The following RCAN2 variants were observed in gnomAD, a reference collection of about 807,000 sequenced individuals.
The protein encoded by RCAN2 is calcipressin-2.
A neutral mutation model predicts 23.6 loss-of-function variants in RCAN2; 9 were observed. The ratio of observed to expected loss-of-function variants is 0.38; its 90% CI spans 0.23 to 0.67. RCAN2 has a LOEUF of 0.67. RCAN2 is among the 30% of genes least tolerant of loss of function. RCAN2 has a pLI of 0.51. For synonymous variants in RCAN2, 109 were observed against 115.7 expected (o/e 0.94, Z 0.37); for missense variants, 273 against 302.3 (o/e 0.90, Z 0.72).
In RCAN2 at chr6:46,284,401, G is replaced by A. The variant is rs947352668; in HGVS notation, c.226-35505C>T. Among the ~76,000 whole-genome samples the A allele has an allele frequency of 2.6e-5, 4 of 152,140 alleles. No homozygotes were observed. The East Asian group carries it at 7.7e-4, about 29-fold the overall frequency. ...TCCAATGTTTCTGCTGTCCCAGAAG[G>A]GGGAGATAATGTCATGACTATCTAG... On this transcript the variant is annotated intron_variant, in intron 2 of 4. Transcript: ENST00000371374.
At chr6:46,327,228 G>A (rs929223059) in intron 2 of RCAN2, among the ~76,000 whole-genome samples, 8 of 152,170 alleles carry the variant, frequency 5.3e-5, no homozygotes, top group African/African-American at 1.9e-4. Flanking sequence ...GTGTTCAGTG[G>A]GAGCACTGGA....
chr6:46,397,954 T>C (rs2150401459), intron 2 of RCAN2, among the ~76,000 whole-genome samples: 1 of 152,274 alleles, frequency 6.6e-6, no homozygotes, highest in Middle Eastern at 3.4e-3. Context: ...GCGCTAACAA[T>C]AGGCACACTC....
chr6:46,333,158 T>G (rs1205379164), intron 2 of RCAN2, among the ~76,000 whole-genome samples: 1 of 152,076 alleles, frequency 6.6e-6, no homozygotes, highest in Non-Finnish European at 1.5e-5. Context: ...ATGGGGTTGT[T>G]TTTTTTTCTT....
intron 2 of RCAN2, among the ~76,000 whole-genome samples, chr6:46,324,546 G>A (rs536734955): frequency 5.9e-5 from 9 of 152,292 alleles, no homozygotes; most frequent in Admixed American, 2.0e-4. Flanking sequence ...CCTTCTGTGC[G>A]TGTATATGTG....
intron 2 of RCAN2, among the ~76,000 whole-genome samples, chr6:46,340,241 A>C (rs1307218825): frequency 1.3e-5 from 2 of 151,914 alleles, no homozygotes; most frequent in Non-Finnish European, 2.9e-5. Context: ...CCACTATCCA[A>C]CTCCTTAATT....
chr6:46,389,143 A>T (rs979871970), intron 2 of RCAN2, among the ~76,000 whole-genome samples: 1 of 152,152 alleles, frequency 6.6e-6, no homozygotes, highest in Non-Finnish European at 1.5e-5. Context: ...AAGAAAAAAA[A>T]ATAGTTTCAG....
At chr6:46,376,861 C>A (rs939291556) in intron 2 of RCAN2, among the ~76,000 whole-genome samples, 1 of 151,994 alleles carries the variant, frequency 6.6e-6, no homozygotes, top group Non-Finnish European at 1.5e-5. Flanking sequence ...CACTTCCCCC[C>A]GCCCCGCACC....
intron 4 of RCAN2, among the ~76,000 whole-genome samples, chr6:46,232,013 G>A (rs1488879874): frequency 6.6e-6 from 1 of 152,208 alleles, no homozygotes; most frequent in Non-Finnish European, 1.5e-5. Context: ...TCATAGGCAG[G>A]GAGAACTGCA....
At position 46,313,380 on chromosome 6, in the gene RCAN2, C is replaced by G. The variant is rs1027437584; in HGVS notation, c.226-64484G>C. 2.0e-5 allele frequency among the ~76,000 whole-genome samples: 3 copies of G among 152,342 alleles called. No individual in the cohort carries two copies. The South Asian group carries it at 6.2e-4, about 32-fold the overall frequency. On this transcript the variant is annotated intron_variant, in intron 2 of 4. Coordinates refer to ENST00000371374, the MANE Select transcript of RCAN2 (RefSeq NM_001251974.2). ...GAATTCCCATGTCTGGAGGCAGTAC[C>G]TACTACACACTGAGTGCTCCATCAC...
intron 2 of RCAN2, among the ~76,000 whole-genome samples, chr6:46,306,400 G>C (rs907476817): frequency 2.6e-5 from 4 of 152,110 alleles, no homozygotes; most frequent in African/African-American, 7.2e-5. Context: ...ATCCCAGAGG[G>C]TGATACCATC....
rs1263961124 is a variant in RCAN2, at chr6:46,413,444, T to C, written c.225+43308A>G. On this transcript the variant is annotated intron_variant, in intron 2 of 4. Transcript: ENST00000371374. ...TGTGAAATTCCCTTCAGTTCTGTTA[T>C]GCAGTTAAGTCCTCCTGATACTTGT... Among the ~76,000 whole-genome samples the C allele has an allele frequency of 2.6e-5, 4 of 152,232 alleles. No homozygotes were observed. In the East Asian group the frequency reaches 7.7e-4, roughly 29 times the overall value.
chr6:46,288,793 A>T (rs1762450531), intron 2 of RCAN2, among the ~76,000 whole-genome samples: 1 of 152,244 alleles, frequency 6.6e-6, no homozygotes, highest in African/African-American at 2.4e-5. Flanking sequence ...TAGCCAAGTT[A>T]TCCTCTGATT....
intron 2 of RCAN2, among the ~76,000 whole-genome samples, chr6:46,250,219 A>G (rs1216610661): frequency 6.6e-6 from 1 of 152,226 alleles, no homozygotes; most frequent in Admixed American, 6.5e-5. Flanking sequence ...GGCATAACAG[A>G]AAACTAGAGA....
chr6:46,256,859 TA>T (rs1766934677), intron 2 of RCAN2, among the ~76,000 whole-genome samples: 1 of 152,232 alleles, frequency 6.6e-6, no homozygotes, highest in Admixed American at 6.5e-5. Flanking sequence ...AAGCTTCTCA[TA>T]GATCCTTGAA....
chr6:46,435,032 G>A (rs570006582), intron 2 of RCAN2, among the ~76,000 whole-genome samples: 25 of 152,240 alleles, frequency 1.6e-4, no homozygotes, highest in African/African-American at 4.1e-4. Flanking sequence ...TAAATATGTC[G>A]TTGCGATGCA....
intron 2 of RCAN2, among the ~76,000 whole-genome samples, chr6:46,304,021 C>T (rs1425552473): frequency 6.6e-6 from 1 of 152,114 alleles, no homozygotes; most frequent in Non-Finnish European, 1.5e-5. Context: ...ATATTGCAAA[C>T]AATTTCCCAA....
At chr6:46,398,176 T>C (rs1766147293) in intron 2 of RCAN2, among the ~76,000 whole-genome samples, 4 of 152,320 alleles carry the variant, frequency 2.6e-5, no homozygotes, top group Non-Finnish European at 2.9e-5. Context: ...TATGTATGCA[T>C]AGGGAAAGAA....
At chr6:46,247,792 G>A (rs1424298957) in intron 3 of RCAN2, among the ~76,000 whole-genome samples, 3 of 152,182 alleles carry the variant, frequency 2.0e-5, no homozygotes, top group Admixed American at 2.0e-4. Flanking sequence ...TGTCTATTGT[G>A]AATAGTGCTG....
intron 2 of RCAN2, among the ~76,000 whole-genome samples, chr6:46,277,427 A>T (rs1767751215): frequency 6.6e-6 from 1 of 151,942 alleles, no homozygotes; most frequent in Non-Finnish European, 1.5e-5. Context: ...GTTGATAATT[A>T]TGGTAGGAGG....
Sources: gnomAD v4.1 joint callset for allele counts (sites outside exome capture counted in the v4.1 genomes callset) on GRCh38, gnomAD v4.1.1 for gene constraint, MANE v1.5 for transcripts, NCBI Gene and HGNC (gene_info 2026-07-23, HGNC 2026-07-21) for gene names.